ANKS1B: variants seen among roughly 807,000 people sequenced by gnomAD.
The protein encoded by ANKS1B is ankyrin repeat and sterile alpha motif domain containing 1B.
A neutral mutation model predicts 148.3 loss-of-function variants in ANKS1B; 36 were observed. The observed-to-expected ratio is 0.24, with a 90% CI of 0.19 to 0.32. The LOEUF (loss-of-function observed/expected upper bound fraction) is 0.32, where lower values mean the gene tolerates loss of function less well. ANKS1B is among the 10% of genes least tolerant of loss of function. The pLI is 1.00. For synonymous variants in ANKS1B, 542 were observed against 560.8 expected (o/e 0.97, Z 0.47); for missense variants, 1,157 against 1,542.6 (o/e 0.75, Z 4.19).
intron 17 of ANKS1B, among the ~76,000 whole-genome samples, chr12:98,856,112 T>G (rs1275186354): frequency 1.3e-5 from 2 of 152,246 alleles, no homozygotes; most frequent in Non-Finnish European, 2.9e-5. Flanking sequence ...AAATAATTCC[T>G]CAGCAAACAA....
chr12:98,756,144 A>C (rs2098235858), intron 25 of ANKS1B, among the ~76,000 whole-genome samples: 1 of 152,092 alleles, frequency 6.6e-6, no homozygotes, highest in South Asian at 2.1e-4. Flanking sequence ...TCCCCACCCA[A>C]ATCTCATCTT....
rs374895822 is a variant in ANKS1B, at chr12:99,643,312, T to C, written c.1272+11755A>G. On this transcript the variant is annotated intron_variant, in intron 9 of 26. Coordinates refer to ENST00000683438, the MANE Select transcript of ANKS1B (RefSeq NM_001352186.2). ...ATCAAGCATGAGTCAGACGCATCTG[T>C]GAATCTGTGAAACTGGAATAAAAAG... 5.4e-4 allele frequency among the ~76,000 whole-genome samples: 82 copies of C among 152,284 alleles called. 1 individual carries two copies. In the East Asian group the frequency reaches 0.015, roughly 27 times the overall value.
At chr12:99,240,261 A>G (rs2089002324) in intron 14 of ANKS1B, among the ~76,000 whole-genome samples, 1 of 152,224 alleles carries the variant, frequency 6.6e-6, no homozygotes, top group South Asian at 2.1e-4. Context: ...ACGGATTGCA[A>G]TCCTAGTCTC....
chr12:99,581,477 G>T (rs2097568941), intron 9 of ANKS1B, among the ~76,000 whole-genome samples: 8 of 152,160 alleles, frequency 5.3e-5, no homozygotes, highest in Admixed American at 5.2e-4. Context: ...TAAAATCTTT[G>T]TAACTTTGGC....
intron 12 of ANKS1B, among the ~76,000 whole-genome samples, chr12:99,326,608 T>C (rs1472505042): frequency 6.6e-6 from 1 of 152,094 alleles, no homozygotes; most frequent in Non-Finnish European, 1.5e-5. Flanking sequence ...AGTACAGGAC[T>C]TGAGGGATGA....
At chr12:98,970,872 C>T (rs753008123) in intron 17 of ANKS1B, among the ~76,000 whole-genome samples, 1 of 152,168 alleles carries the variant, frequency 6.6e-6, no homozygotes, top group Admixed American at 6.5e-5. Context: ...TGGGCCTCCA[C>T]AGGTTGAGTT....
chr12:99,064,672 A>G (rs1335522941), intron 16 of ANKS1B, among the ~76,000 whole-genome samples: 1 of 152,208 alleles, frequency 6.6e-6, no homozygotes, highest in African/African-American at 2.4e-5. Context: ...ATCTGTGCCC[A>G]GGGAGATTAA....
At chr12:99,490,849 T>C (rs964121687) in intron 10 of ANKS1B, among the ~76,000 whole-genome samples, 2 of 152,242 alleles carry the variant, frequency 1.3e-5, no homozygotes, top group African/African-American at 4.8e-5. Flanking sequence ...GCAGTAGATA[T>C]ATCTGACAAG....
At chr12:98,833,892 C>T (rs1595011935) in intron 17 of ANKS1B, among the ~76,000 whole-genome samples, 1 of 152,188 alleles carries the variant, frequency 6.6e-6, no homozygotes, top group African/African-American at 2.4e-5. Context: ...TAATGGCCTT[C>T]AGCTGCATCC....
intron 1 of ANKS1B, among the ~76,000 whole-genome samples, chr12:99,982,565 C>A (rs145871276): frequency 6.6e-6 from 1 of 152,152 alleles, no homozygotes; most frequent in Non-Finnish European, 1.5e-5. Context: ...GATGGATCCA[C>A]AGCAAACGTT....
At chr12:99,286,980 A>G (rs527896683) in intron 12 of ANKS1B, among the ~76,000 whole-genome samples, 1 of 152,108 alleles carries the variant, frequency 6.6e-6, no homozygotes, top group East Asian at 1.9e-4. Context: ...GGAGCTCACC[A>G]CCCTGAAGGG....
intron 2 of ANKS1B, among the ~76,000 whole-genome samples, chr12:99,816,871 T>C (rs373071609): frequency 6.6e-6 from 1 of 151,686 alleles, no homozygotes; most frequent in Non-Finnish European, 1.5e-5. Flanking sequence ...GCAGTTAATA[T>C]AGTGTAGTAC....
At chr12:99,456,516 C>CA (rs1385797797) in intron 10 of ANKS1B, among the ~76,000 whole-genome samples, 2 of 151,648 alleles carry the variant, frequency 1.3e-5, no homozygotes, top group African/African-American at 4.8e-5. Context: ...TTAAAGAAAT[C>CA]AAAAAAGATG....
chr12:99,365,910 AAAAG>A (rs1374951415), intron 12 of ANKS1B, among the ~76,000 whole-genome samples: 2 of 152,216 alleles, frequency 1.3e-5, no homozygotes, highest in South Asian at 4.1e-4. Context: ...AAAAAATAAG[AAAAG>A]AAAGAGAATA....
chr12:99,958,327 G>T (rs2095354081), intron 1 of ANKS1B, among the ~76,000 whole-genome samples: 1 of 152,176 alleles, frequency 6.6e-6, no homozygotes, highest in Non-Finnish European at 1.5e-5. Context: ...CTCAAGTGAT[G>T]TGCCAAAGAG....
chr12:99,058,690 C>CTT (rs2041169876), intron 16 of ANKS1B, among the ~76,000 whole-genome samples: 1 of 134,108 alleles, frequency 7.5e-6, no homozygotes, highest in Non-Finnish European at 1.6e-5. Flanking sequence ...ACAGTTTCTA[C>CTT]TTTTTCTCCT....
intron 11 of ANKS1B, among the ~76,000 whole-genome samples, chr12:99,420,048 C>T (rs545362551): frequency 6.6e-6 from 1 of 152,190 alleles, no homozygotes; most frequent in Non-Finnish European, 1.5e-5. Flanking sequence ...AGGTATCCTA[C>T]CTTTTTTTCA....
Position 99,244,397 on chromosome 12 carries a change from A to G in ANKS1B, c.2364T>C (p.Ser788=). Residue 788 remains serine, a synonymous_variant, in exon 14 of 27, where the codon AGT becomes AGC. Transcript: ENST00000683438. ...CGTTGTTGATTCCAACATCTATGGA[A>G]CTCATTATTTTGTCAATCTGTAAGA... The part of the protein sequence containing the change: ...SEWEEIDKIM[S]SIDVGINNEL... 6.2e-7 allele frequency: 1 copy of G among 1,605,472 alleles called. No individual in the cohort carries two copies. Among genetic ancestry groups the G allele is most frequent in the African/African-American group, 1.3e-5 (1 of 74,668 alleles).
rs549247613 is a variant in ANKS1B, at chr12:99,106,280, T to C, written c.2527-21257A>G. Among the ~76,000 whole-genome samples the C allele has an allele frequency of 3.9e-5, 6 of 152,326 alleles. No individual in the cohort carries two copies. The South Asian group carries it at 1.2e-3, about 32-fold the overall frequency. ...AGCATCATCAGCCGACATCATGGCATAGTGGAAAAAAATTTGGAATAGCTA... is the reference window on the plus strand; with the variant it reads ...AGCATCATCAGCCGACATCATGGCACAGTGGAAAAAAATTTGGAATAGCTA... On this transcript the variant is annotated intron_variant, in intron 15 of 26. Transcript: ENST00000683438.
Sources: allele counts gnomAD v4.1 joint callset (sites outside exome capture counted in the v4.1 genomes callset), GRCh38; gene constraint gnomAD v4.1.1; transcripts MANE v1.5; gene names NCBI Gene and HGNC (gene_info 2026-07-23, HGNC 2026-07-21).